THSD7B: variants seen among roughly 807,000 people sequenced by gnomAD.
THSD7B encodes the protein thrombospondin type-1 domain-containing protein 7B.
A neutral mutation model predicts 213.6 loss-of-function variants in THSD7B; 138 were observed. The ratio of observed to expected loss-of-function variants is 0.65; its 90% CI spans 0.56 to 0.74. The LOEUF is 0.74. Among genes scored for constraint, THSD7B ranks in the 30% least tolerant of loss-of-function variants. THSD7B has a pLI of 0.00. For synonymous variants in THSD7B, 742 were observed against 687.0 expected (o/e 1.08, Z -1.25); for missense variants, 1,931 against 1,991.5 (o/e 0.97, Z 0.58).
intron 14 of THSD7B, among the ~76,000 whole-genome samples, chr2:137,436,021 G>C (rs1349279271): frequency 2.0e-5 from 3 of 151,990 alleles, no homozygotes; most frequent in Non-Finnish European, 2.9e-5. Context: ...TTTTAATTCA[G>C]TTTCATAATT....
intron 2 of THSD7B, among the ~76,000 whole-genome samples, chr2:136,926,401 TA>T (rs375521702): frequency 0.03 from 4,545 of 151,054 alleles, 108 homozygotes; most frequent in South Asian, 0.075. Context: ...AAAAAAAAGT[TA>T]AAAAAAATTG....
intron 15 of THSD7B, among the ~76,000 whole-genome samples, chr2:137,494,638 C>T (rs1046706882): frequency 6.6e-6 from 1 of 152,146 alleles, no homozygotes; most frequent in Non-Finnish European, 1.5e-5. Flanking sequence ...CTGCCTACCA[C>T]ACTCTTACTC....
chr2:137,595,366 G>T (rs1455299218), intron 17 of THSD7B, among the ~76,000 whole-genome samples: 2 of 151,954 alleles, frequency 1.3e-5, no homozygotes, highest in Non-Finnish European at 2.9e-5. Context: ...GTAACTTGTT[G>T]TGGTGGGTTT....
intron 25 of THSD7B, among the ~76,000 whole-genome samples, chr2:137,662,208 G>A (rs1220030189): frequency 2.1e-5 from 3 of 143,090 alleles, no homozygotes; most frequent in African/African-American, 5.2e-5. Flanking sequence ...GACTACAGAT[G>A]CCCGCCACGA....
chr2:137,449,479 T>C (rs1687605425), intron 14 of THSD7B, among the ~76,000 whole-genome samples: 1 of 152,216 alleles, frequency 6.6e-6, no homozygotes, highest in Non-Finnish European at 1.5e-5. Flanking sequence ...AGGGCTTCAC[T>C]TGGTTAAAAT....
chr2:136,882,902 T>C (rs1317449980), intron 2 of THSD7B, among the ~76,000 whole-genome samples: 1 of 152,190 alleles, frequency 6.6e-6, no homozygotes, highest in Non-Finnish European at 1.5e-5. Flanking sequence ...GGAATATAAC[T>C]TATGTTCATC....
chr2:136,840,687 T>C (rs913830252), intron 1 of THSD7B, among the ~76,000 whole-genome samples: 2 of 151,978 alleles, frequency 1.3e-5, no homozygotes, highest in Non-Finnish European at 2.9e-5. Flanking sequence ...AAGATGGGGG[T>C]CACTGGAGAA....
intron 12 of THSD7B, among the ~76,000 whole-genome samples, chr2:137,317,038 G>C (rs1215662606): frequency 6.6e-6 from 1 of 152,278 alleles, no homozygotes; most frequent in East Asian, 1.9e-4. Flanking sequence ...GAAGTCTTTT[G>C]TAAACATAAT....
intron 7 of THSD7B, among the ~76,000 whole-genome samples, chr2:137,204,969 A>G (rs1680952397): frequency 6.6e-6 from 1 of 152,078 alleles, no homozygotes; most frequent in Admixed American, 6.6e-5. Flanking sequence ...CTGCATTTGA[A>G]TATAACACCC....
intron 12 of THSD7B, among the ~76,000 whole-genome samples, chr2:137,283,405 G>A (rs982128655): frequency 6.6e-6 from 1 of 152,048 alleles, no homozygotes; most frequent in Non-Finnish European, 1.5e-5. Context: ...TCTCCTGCCT[G>A]ATTGCCCTGG....
intron 2 of THSD7B, among the ~76,000 whole-genome samples, chr2:136,993,056 TG>T (rs1430013016): frequency 6.6e-6 from 1 of 152,226 alleles, no homozygotes; most frequent in Non-Finnish European, 1.5e-5. Context: ...CTCAGTCAAG[TG>T]ATGAGCAAAA....
chr2:137,176,880 T>A (rs1486386440), intron 7 of THSD7B, among the ~76,000 whole-genome samples: 1 of 152,164 alleles, frequency 6.6e-6, no homozygotes, highest in Non-Finnish European at 1.5e-5. Context: ...ACTTCCCCAC[T>A]TTGTGACTGG....
At chr2:137,135,463 C>G (rs1679420312) in intron 5 of THSD7B, among the ~76,000 whole-genome samples, 1 of 152,168 alleles carries the variant, frequency 6.6e-6, no homozygotes, top group South Asian at 2.1e-4. Context: ...GTTTTCTTCT[C>G]TCAGATCTGC....
intron 17 of THSD7B, among the ~76,000 whole-genome samples, chr2:137,607,673 C>A (rs1376412712): frequency 6.6e-6 from 1 of 152,114 alleles, no homozygotes. Context: ...TTGGAGAATT[C>A]AGCCCAGCAT....
chr2:137,266,835 C>T (rs1682602588), intron 10 of THSD7B, among the ~76,000 whole-genome samples: 1 of 152,294 alleles, frequency 6.6e-6, no homozygotes, highest in East Asian at 1.9e-4. Context: ...TTCTACCACC[C>T]ACTTGCTGTT....
At chr2:137,615,700 T>A (rs147959585) in intron 17 of THSD7B, among the ~76,000 whole-genome samples, 1 of 152,342 alleles carries the variant, frequency 6.6e-6, no homozygotes, top group East Asian at 1.9e-4. Context: ...GATTTTATAA[T>A]TCCTTTTCTA....
intron 10 of THSD7B, among the ~76,000 whole-genome samples, chr2:137,261,384 T>C (rs999485922): frequency 6.6e-6 from 1 of 152,188 alleles, no homozygotes; most frequent in African/African-American, 2.4e-5. Context: ...ACTAACATTT[T>C]TACATGCTGA....
intron 12 of THSD7B, among the ~76,000 whole-genome samples, chr2:137,314,935 C>A (rs1331157203): frequency 1.3e-5 from 2 of 152,224 alleles, no homozygotes; most frequent in Non-Finnish European, 2.9e-5. Flanking sequence ...ACATTTAAGT[C>A]TGCAGAGGTT....
At chr2:136,864,615 C>T (rs541892247) in intron 1 of THSD7B, among the ~76,000 whole-genome samples, 11 of 151,518 alleles carry the variant, frequency 7.3e-5, no homozygotes, top group South Asian at 2.1e-4. Flanking sequence ...TGCAGTGGTG[C>T]GATCTCAGCT....
Sources: allele counts gnomAD v4.1 joint callset (sites outside exome capture counted in the v4.1 genomes callset), GRCh38; gene constraint gnomAD v4.1.1; transcripts MANE v1.5; gene names NCBI Gene and HGNC (gene_info 2026-07-23, HGNC 2026-07-21).